The following GUCA1C variants were observed in gnomAD, a reference collection of about 807,000 sequenced individuals.
GUCA1C encodes the protein guanylate cyclase activator 1C, also known as guanylyl cyclase-activating protein 3.
GUCA1C carries 15 observed loss-of-function variants against 16.2 expected under a neutral mutation model. That is an observed-to-expected ratio of 0.93 (90% confidence interval 0.62 to 1.43). The LOEUF (loss-of-function observed/expected upper bound fraction) is 1.43, where lower values mean the gene tolerates loss of function less well. GUCA1C is among the 40% of genes most tolerant of loss of function. GUCA1C has a pLI of 0.00. For missense variants in GUCA1C, 275 were observed against 244.8 expected, an observed-to-expected ratio of 1.12 and a Z score of -0.82; for synonymous variants, 78 against 85.4, an observed-to-expected ratio of 0.91 and a Z score of 0.48.
At chr3:108,919,559 C>A (rs1011828629) in intron 2 of GUCA1C, among the ~76,000 whole-genome samples, 4 of 152,068 alleles carry the variant, frequency 2.6e-5, no homozygotes, top group Admixed American at 2.6e-4. Flanking sequence ...CCCTTGAATT[C>A]TTTCCATATG....
intron 1 of GUCA1C, among the ~76,000 whole-genome samples, chr3:108,946,855 G>A (rs1946848676): frequency 7.2e-6 from 1 of 139,304 alleles, no homozygotes. Flanking sequence ...TGCAACATGA[G>A]CACCTTGTTT....
chr3:108,923,939 G>C (rs769287845), intron 1 of GUCA1C, among the ~76,000 whole-genome samples: 2 of 152,122 alleles, frequency 1.3e-5, no homozygotes, highest in Non-Finnish European at 1.5e-5. Flanking sequence ...TTCTTAACTT[G>C]ATTCTCAGCT....
At position 108,908,121 on chromosome 3, in the gene GUCA1C, A is replaced by T. The variant is rs781686520; in HGVS notation, c.531T>A (p.Asn177Lys). 1.2e-6 allele frequency: 2 copies of T among 1,613,580 alleles called. No homozygotes were observed. Among genetic ancestry groups the T allele is most frequent in the Non-Finnish European group, 1.7e-6 (2 of 1,179,504 alleles). Residue 177 changes from asparagine to lysine, a missense_variant, in exon 4 of 4, where the codon AAT becomes AAA. Coordinates refer to ENST00000261047, the MANE Select transcript of GUCA1C (RefSeq NM_005459.4). ...TCCCATTACAGATTACTCTCAGCAC[A>T]TTGGAGAAGTCGAAGCTCTTGTAAA... ...EIVYKSFDFSNVLRVICNGKQ... is the reference protein window; with the variant it reads ...EIVYKSFDFSKVLRVICNGKQ...
intron 3 of GUCA1C, among the ~76,000 whole-genome samples, chr3:108,913,684 C>T (rs1946479826): frequency 6.6e-6 from 1 of 152,118 alleles, no homozygotes; most frequent in Non-Finnish European, 1.5e-5. Flanking sequence ...AGTTTTAGTT[C>T]TGTATATGCA....
intron 3 of GUCA1C, among the ~76,000 whole-genome samples, chr3:108,912,038 G>A (rs529589618): frequency 3.3e-5 from 5 of 151,136 alleles, no homozygotes; most frequent in Admixed American, 1.3e-4. Context: ...CCCGGGAGGC[G>A]GAGGTTGCAG....
intron 1 of GUCA1C, among the ~76,000 whole-genome samples, chr3:108,921,929 C>T (rs568519239): frequency 4.8e-4 from 73 of 152,158 alleles, no homozygotes; most frequent in African/African-American, 1.7e-3. Flanking sequence ...TTATCCCTCG[C>T]CACCCTCTAC....
Position 108,908,114 on chromosome 3 carries a change from T to G in GUCA1C, c.538A>C (p.Arg180=). The G allele has an allele frequency of 6.2e-7, 1 of 1,613,632 alleles. No homozygotes were observed. Among genetic ancestry groups the G allele is most frequent in the South Asian group, 1.1e-5 (1 of 91,062 alleles). The change falls in exon 4 of 4, where the codon AGA becomes CGA. Residue 180 remains arginine, a synonymous_variant. Coordinates refer to ENST00000261047, the MANE Select transcript of GUCA1C (RefSeq NM_005459.4). ...GGCTGCTTCCCATTACAGATTACTC[T>G]CAGCACATTGGAGAAGTCGAAGCTC... The part of the protein sequence containing the change: ...YKSFDFSNVL[R]VICNGKQPDM...
chr3:108,915,826 T>A (rs1250493891), intron 3 of GUCA1C: 2 of 405,232 alleles, frequency 4.9e-6, no homozygotes, highest in African/African-American at 4.1e-5. Context: ...ATAGAATGTG[T>A]CTCAGAGCAA....
In GUCA1C at chr3:108,922,504, GTTTTT is replaced by G. The variant is rs200656549; in HGVS notation, c.205-1924_205-1920del. On this transcript the variant is annotated intron_variant, in intron 1 of 3. Coordinates refer to ENST00000261047, the MANE Select transcript of GUCA1C (RefSeq NM_005459.4). ...CTCTGCATCCACACCAACATTTGTT[GTTTTT>G]TTTATTTTTTGATTATGGCCATTCT... Among the ~76,000 whole-genome samples, 4 of 151,804 alleles carry G rather than the reference GTTTTT, an allele frequency of 2.6e-5. No homozygotes were observed. In the East Asian group the frequency reaches 7.8e-4, roughly 30 times the overall value.
At chr3:108,914,611 T>A (rs1188685898) in intron 3 of GUCA1C, among the ~76,000 whole-genome samples, 1 of 152,220 alleles carries the variant, frequency 6.6e-6, no homozygotes, top group Non-Finnish European at 1.5e-5. Flanking sequence ...TGATGTCCCA[T>A]CTACTTCCGG....
chr3:108,944,109 T>C (rs1234666940), intron 1 of GUCA1C, among the ~76,000 whole-genome samples: 1 of 152,054 alleles, frequency 6.6e-6, no homozygotes, highest in Non-Finnish European at 1.5e-5. Context: ...CTTGAGATAA[T>C]TACTCCAATT....
intron 1 of GUCA1C, among the ~76,000 whole-genome samples, chr3:108,934,808 CTTTTTTT>C (rs71629371): frequency 1.2e-5 from 1 of 86,110 alleles, no homozygotes; most frequent in Non-Finnish European, 2.0e-5. Context: ...TGTTCTTGAT[CTTTTTTT>C]TTTTTTTTTT....
At chr3:108,927,432 C>CTTTTTTTTTTTTTTTTTTTTTT (rs55930777) in intron 1 of GUCA1C, among the ~76,000 whole-genome samples, 2 of 128,274 alleles carry the variant, frequency 1.6e-5, no homozygotes, top group African/African-American at 5.9e-5. Context: ...TTTTTTAATT[C>CTTTTTTTTTTTTTTTTTTTTTT]TTTTTTTTTT....
At chr3:108,946,141 T>C (rs1353833239) in intron 1 of GUCA1C, among the ~76,000 whole-genome samples, 1 of 152,196 alleles carries the variant, frequency 6.6e-6, no homozygotes. Context: ...TGTGGTAATT[T>C]GTTTTTTGAA....
chr3:108,954,582 G>A (rs914148910), upstream of GUCA1C, among the ~76,000 whole-genome samples: 3 of 152,054 alleles, frequency 2.0e-5, no homozygotes, highest in African/African-American at 7.2e-5. Flanking sequence ...ATGAACTTAA[G>A]AACAGGGTCA....
intron 3 of GUCA1C, 151 bp downstream of exon 3, chr3:108,915,976 T>C (rs557476576): frequency 1.8e-5 from 14 of 767,424 alleles, no homozygotes; most frequent in Non-Finnish European, 2.5e-5. Flanking sequence ...AATTGAATCA[T>C]ACTGAGAACA....
intron 1 of GUCA1C, among the ~76,000 whole-genome samples, chr3:108,939,439 G>C (rs1027614765): frequency 2.1e-5 from 3 of 144,586 alleles, no homozygotes; most frequent in African/African-American, 7.8e-5. Flanking sequence ...AGATTCTCCT[G>C]CCTCAGCCAC....
chr3:108,955,089 C>A (rs1427055873), upstream of GUCA1C, among the ~76,000 whole-genome samples: 1 of 152,064 alleles, frequency 6.6e-6, no homozygotes, highest in Non-Finnish European at 1.5e-5. Flanking sequence ...TTTGGCCCAG[C>A]TCATATATCT....
intron 1 of GUCA1C, among the ~76,000 whole-genome samples, chr3:108,934,291 C>T (rs1946699381): frequency 6.6e-6 from 1 of 152,112 alleles, no homozygotes; most frequent in African/African-American, 2.4e-5. Flanking sequence ...ACATGTATAC[C>T]TATGTAACAA....
Sources: allele counts gnomAD v4.1 joint callset (sites outside exome capture counted in the v4.1 genomes callset), GRCh38; gene constraint gnomAD v4.1.1; transcripts MANE v1.5; gene names NCBI Gene and HGNC (gene_info 2026-07-23, HGNC 2026-07-21).